PPP1R12A: variants seen among roughly 807,000 people sequenced by gnomAD.
PPP1R12A encodes protein phosphatase 1 regulatory subunit 12A.
A neutral mutation model predicts 139.6 loss-of-function variants in PPP1R12A; 19 were observed. The ratio of observed to expected loss-of-function variants is 0.14; its 90% CI spans 0.09 to 0.20. PPP1R12A has a LOEUF of 0.20. Among genes scored for constraint, PPP1R12A ranks in the 10% least tolerant of loss-of-function variants. The probability of loss-of-function intolerance (pLI) is 1.00; values close to 1 mark genes in which losing one functional copy is unlikely to be tolerated. For synonymous variants in PPP1R12A, 427 were observed against 420.6 expected, an observed-to-expected ratio of 1.02 and a Z score of -0.19; for missense variants, 925 against 1,211.5, an observed-to-expected ratio of 0.76 and a Z score of 3.51.
intron 1 of PPP1R12A, among the ~76,000 whole-genome samples, chr12:79,889,213 A>C (rs1884377959): frequency 6.6e-6 from 1 of 152,238 alleles, no homozygotes. Flanking sequence ...AAAAAGATAC[A>C]GAATAAACAC....
chr12:79,887,990 A>G lies in PPP1R12A; in HGVS notation c.238-15052T>C, dbSNP rs183004242. 4.2e-3 allele frequency among the ~76,000 whole-genome samples: 638 copies of G among 152,308 alleles called. 2 individuals carry two copies. The highest frequency in any genetic ancestry group is 0.015 in the African/African-American group (608 of 41,574). On this transcript the variant is annotated intron_variant, in intron 1 of 24. Coordinates refer to ENST00000450142, the MANE Select transcript of PPP1R12A (RefSeq NM_002480.3). Reference sequence around the variant, plus strand: ...AAACATTAACATAGTTAATACACATAGTTGTTAACTAATTGTTTCTTGATG... The same window carrying G: ...AAACATTAACATAGTTAATACACATGGTTGTTAACTAATTGTTTCTTGATG...
intron 19 of PPP1R12A, among the ~76,000 whole-genome samples, chr12:79,791,416 C>G (rs1871840732): frequency 1.3e-5 from 2 of 152,142 alleles, no homozygotes; most frequent in Non-Finnish European, 2.9e-5. Context: ...CAGCCTCGAC[C>G]TCCTGGCCCA....
intron 1 of PPP1R12A, among the ~76,000 whole-genome samples, chr12:79,904,456 C>G (rs145524517): frequency 4.6e-5 from 7 of 152,170 alleles, no homozygotes; most frequent in Admixed American, 1.3e-4. Context: ...ATATTACCTC[C>G]CTTTTCCCTA....
intron 1 of PPP1R12A, among the ~76,000 whole-genome samples, chr12:79,890,905 C>CACA (rs1491145335): frequency 0.046 from 5,316 of 115,700 alleles, 223 homozygotes; most frequent in African/African-American, 0.12. Context: ...CCACACCCAC[C>CACA]CACACACACA....
intron 1 of PPP1R12A, among the ~76,000 whole-genome samples, chr12:79,903,935 C>CTTGTAGAT (rs1885872300): frequency 6.6e-6 from 1 of 152,138 alleles, no homozygotes; most frequent in Non-Finnish European, 1.5e-5. Context: ...GAAAATCTGC[C>CTTGTAGAT]TGTTGACATC....
chr12:79,823,988 C>T (rs974794278), intron 5 of PPP1R12A: 4 of 152,144 alleles, frequency 2.6e-5, no homozygotes, highest in African/African-American at 9.7e-5. Context: ...TCATACTTGC[C>T]TTTTCTTGCT....
At chr12:79,886,476 G>A (rs1884116762) in intron 1 of PPP1R12A, among the ~76,000 whole-genome samples, 1 of 152,112 alleles carries the variant, frequency 6.6e-6, no homozygotes, top group Non-Finnish European at 1.5e-5. Flanking sequence ...ATATTCAAAT[G>A]AGATTCAAAT....
At chr12:79,905,633 T>C (rs1224528615) in intron 1 of PPP1R12A, among the ~76,000 whole-genome samples, 1 of 152,208 alleles carries the variant, frequency 6.6e-6, no homozygotes, top group Non-Finnish European at 1.5e-5. Context: ...TTTGGTATCA[T>C]AACTATCTTT....
chr12:79,931,458 G>T (rs561446270), intron 1 of PPP1R12A, among the ~76,000 whole-genome samples: 1 of 152,064 alleles, frequency 6.6e-6, no homozygotes, highest in Non-Finnish European at 1.5e-5. Context: ...AGAGGAAAAA[G>T]AAAAGATTTT....
intron 3 of PPP1R12A, among the ~76,000 whole-genome samples, chr12:79,833,866 A>G (rs1315802688): frequency 1.4e-5 from 2 of 142,568 alleles, no homozygotes; most frequent in Non-Finnish European, 3.1e-5. Flanking sequence ...AAAAAAAAGC[A>G]AAGTACAGGG....
chr12:79,914,973 C>T (rs1293670364), intron 1 of PPP1R12A, among the ~76,000 whole-genome samples: 1 of 152,054 alleles, frequency 6.6e-6, no homozygotes, highest in Non-Finnish European at 1.5e-5. Context: ...CTATGAGATA[C>T]TATAATCTTA....
chr12:79,869,862 T>C (rs188499195), intron 2 of PPP1R12A, among the ~76,000 whole-genome samples: 91 of 151,802 alleles, frequency 6.0e-4, no homozygotes, highest in Middle Eastern at 3.4e-3. Flanking sequence ...ACAGTGACCA[T>C]ATGCCCCAGT....
At chr12:79,808,648 AGAAAAGG>A in intron 10 of PPP1R12A, 71 bp from the exon 11 acceptor site, 1 of 804,758 alleles carries the variant, frequency 1.2e-6, no homozygotes, top group Admixed American at 2.3e-5. Flanking sequence ...AAAAGTATTA[AGAAAAGG>A]TTATTCAATA....
chr12:79,843,722 T>A (rs79146714), intron 3 of PPP1R12A, among the ~76,000 whole-genome samples: 5 of 151,460 alleles, frequency 3.3e-5, no homozygotes, highest in African/African-American at 1.2e-4. Context: ...TTTTTTTTTT[T>A]AGACGGAGTC....
At chr12:79,819,352 T>C (rs1471515565) in intron 8 of PPP1R12A, 1 of 152,208 alleles carries the variant, frequency 6.6e-6, no homozygotes, top group Non-Finnish European at 1.5e-5. Context: ...AGGTCTCTTG[T>C]TTGTTTTAAA....
intron 1 of PPP1R12A, among the ~76,000 whole-genome samples, chr12:79,888,417 T>C (rs1345563092): frequency 1.3e-5 from 2 of 152,000 alleles, no homozygotes. Flanking sequence ...ACAAGCAGCA[T>C]GTGTAAAAAG....
At chr12:79,848,053 T>C (rs1879613124) in intron 2 of PPP1R12A, among the ~76,000 whole-genome samples, 1 of 152,208 alleles carries the variant, frequency 6.6e-6, no homozygotes, top group Non-Finnish European at 1.5e-5. Flanking sequence ...AATAAGTTTG[T>C]TCTGGACATG....
At chr12:79,797,756 A>T (rs986414005) in intron 15 of PPP1R12A, among the ~76,000 whole-genome samples, 6 of 152,132 alleles carry the variant, frequency 3.9e-5, no homozygotes, top group Non-Finnish European at 7.4e-5. Context: ...ATGATTGTTA[A>T]GGCTTAAAAG....
At chr12:79,816,679 G>T (rs1259989778) in intron 9 of PPP1R12A, among the ~76,000 whole-genome samples, 1 of 152,114 alleles carries the variant, frequency 6.6e-6, no homozygotes, top group Non-Finnish European at 1.5e-5. Context: ...ACAGAAAGAA[G>T]AGAAAGAAAT....
Sources: gnomAD v4.1 joint callset for allele counts (sites outside exome capture counted in the v4.1 genomes callset) on GRCh38, gnomAD v4.1.1 for gene constraint, MANE v1.5 for transcripts, NCBI Gene and HGNC (gene_info 2026-07-23, HGNC 2026-07-21) for gene names.